Variants in TAB2 observed in about 807,000 individuals in gnomAD.
The protein encoded by TAB2 is TGF-beta activated kinase 1 (MAP3K7) binding protein 2, also known as TGF-beta-activated kinase 1 and MAP3K7-binding protein 2.
TAB2 carries 3 observed loss-of-function variants against 65.0 expected under a neutral mutation model. The ratio of observed to expected loss-of-function variants is 0.05; its 90% CI spans 0.02 to 0.12. TAB2 has a LOEUF of 0.12. TAB2 is among the 10% of genes least tolerant of loss of function. TAB2 has a pLI of 1.00. For missense variants in TAB2, 623 were observed against 840.3 expected, an observed-to-expected ratio of 0.74 and a Z score of 3.20; for synonymous variants, 298 against 285.1, an observed-to-expected ratio of 1.05 and a Z score of -0.46.
chr6:149,294,568 T>C (rs1405209339), intron 1 of TAB2, among the ~76,000 whole-genome samples: 2 of 152,242 alleles, frequency 1.3e-5, no homozygotes, highest in Admixed American at 6.5e-5. Context: ...TCTGCTCTTT[T>C]CATAAGCAAA....
At chr6:149,305,174 T>C (rs1479273318) in intron 1 of TAB2, among the ~76,000 whole-genome samples, 1 of 152,198 alleles carries the variant, frequency 6.6e-6, no homozygotes, top group African/African-American at 2.4e-5. Context: ...TCTTTCCAAG[T>C]TTGGAAACAT....
At chr6:149,226,948 G>T (rs1477790332) in intron 1 of TAB2, among the ~76,000 whole-genome samples, 2 of 152,178 alleles carry the variant, frequency 1.3e-5, no homozygotes, top group African/African-American at 4.8e-5. Context: ...AATTAAGAGG[G>T]TGGTTATTCA....
chr6:149,336,922 TA>T (rs67712825), intron 1 of TAB2, among the ~76,000 whole-genome samples: 93,787 of 149,486 alleles, frequency 0.63, 29,478 homozygotes, highest in East Asian at 0.8. Flanking sequence ...TGCATTTAGA[TA>T]AAAAAAAAAA....
intron 1 of TAB2, among the ~76,000 whole-genome samples, chr6:149,285,579 G>T (rs191093404): frequency 2.6e-5 from 4 of 152,364 alleles, no homozygotes; most frequent in African/African-American, 7.2e-5. Context: ...TCTGAAACTT[G>T]TGTGATACTT....
chr6:149,229,406 G>A (rs936495508), intron 1 of TAB2, among the ~76,000 whole-genome samples: 14 of 152,134 alleles, frequency 9.2e-5, no homozygotes, highest in Non-Finnish European at 1.5e-4. Flanking sequence ...GTGTGTGTGT[G>A]TGTGTGTGTG....
intron 4 of TAB2, 84 bp from the exon 5 acceptor site, chr6:149,397,885 A>C (rs1782228865): frequency 1.9e-6 from 3 of 1,575,770 alleles, no homozygotes; most frequent in Non-Finnish European, 2.6e-6. Flanking sequence ...TTCTGTCCTT[A>C]CTTTCTTGTG....
chr6:149,381,721 C>T (rs1468285777), intron 3 of TAB2, among the ~76,000 whole-genome samples: 1 of 151,798 alleles, frequency 6.6e-6, no homozygotes, highest in Non-Finnish European at 1.5e-5. Context: ...TACAGGTACA[C>T]ACCACCACAT....
At chr6:149,350,266 G>A (rs1431102280) in intron 1 of TAB2, among the ~76,000 whole-genome samples, 1 of 152,006 alleles carries the variant, frequency 6.6e-6, no homozygotes, top group Non-Finnish European at 1.5e-5. Context: ...AATTTTCTTT[G>A]TGACCAGGGC....
upstream of TAB2, among the ~76,000 whole-genome samples, chr6:149,315,491 C>A (rs1779233300): frequency 6.6e-6 from 1 of 152,134 alleles, no homozygotes; most frequent in South Asian, 2.1e-4. Context: ...TGCTTATAAA[C>A]AAGGATATTC....
chr6:149,289,216 C>T (rs531444354), intron 1 of TAB2, among the ~76,000 whole-genome samples: 1 of 152,066 alleles, frequency 6.6e-6, no homozygotes, highest in Non-Finnish European at 1.5e-5. Flanking sequence ...CCAATGGCCT[C>T]CATCTAGCTC....
intron 1 of TAB2, among the ~76,000 whole-genome samples, chr6:149,256,666 C>T (rs1378451870): frequency 6.6e-6 from 1 of 152,156 alleles, no homozygotes; most frequent in Non-Finnish European, 1.5e-5. Context: ...AAATTTTCCA[C>T]ACATGGAAAA....
rs1321758913 is a variant in TAB2 at position 149,398,081 on chromosome 6, G to T, written c.1858+19G>T. Reference sequence around the variant, plus strand: ...GCCCGAGGTAAAGTTCAGTGTATTTGTAGCTGAAATTCATCGTATTTAATT... The same window carrying T: ...GCCCGAGGTAAAGTTCAGTGTATTTTTAGCTGAAATTCATCGTATTTAATT... On this transcript the variant is annotated intron_variant, in intron 5 of 6. Transcript: ENST00000637181. 6.2e-7 allele frequency: 1 copy of T among 1,601,302 alleles called. No individual in the cohort carries two copies.
chr6:149,318,205 C>CT (rs1362591412), intron 1 of TAB2, among the ~76,000 whole-genome samples, 190 bp downstream of exon 1: 1 of 152,024 alleles, frequency 6.6e-6, no homozygotes, highest in Non-Finnish European at 1.5e-5. Flanking sequence ...AGAGGGAGGC[C>CT]CCCCGAGTCC....
chr6:149,300,318 T>C (rs997866992), intron 1 of TAB2, among the ~76,000 whole-genome samples: 1 of 152,208 alleles, frequency 6.6e-6, no homozygotes, highest in Non-Finnish European at 1.5e-5. Flanking sequence ...TTTTGATCAA[T>C]AAGATGTGTT....
chr6:149,395,234 GTT>G (rs1224597385), intron 3 of TAB2, among the ~76,000 whole-genome samples: 1 of 152,216 alleles, frequency 6.6e-6, no homozygotes, highest in Non-Finnish European at 1.5e-5. Context: ...TGTTTTGAGT[GTT>G]TTTTATAAGC....
intron 1 of TAB2, among the ~76,000 whole-genome samples, chr6:149,225,567 G>C (rs1213858290): frequency 5.9e-5 from 9 of 152,236 alleles, no homozygotes; most frequent in Admixed American, 5.9e-4. Flanking sequence ...CAGGGCAAAG[G>C]ACAGTTGGGG....
At chr6:149,330,906 A>G (rs536978644) in intron 1 of TAB2, among the ~76,000 whole-genome samples, 2 of 152,176 alleles carry the variant, frequency 1.3e-5, no homozygotes, top group African/African-American at 4.8e-5. Context: ...TTGCTTTTGT[A>G]CCTTTGTCAA....
At chr6:149,273,109 T>G (rs1320806088) in intron 1 of TAB2, among the ~76,000 whole-genome samples, 1 of 151,844 alleles carries the variant, frequency 6.6e-6, no homozygotes, top group African/African-American at 2.4e-5. Flanking sequence ...CGAGGACCAC[T>G]GATCGAGTGG....
intron 1 of TAB2, among the ~76,000 whole-genome samples, chr6:149,280,926 C>A: frequency 1.5e-5 from 1 of 68,948 alleles, no homozygotes. Context: ...AATGAGACCT[C>A]GTCTCAAAAA....
Sources: allele counts gnomAD v4.1 joint callset (sites outside exome capture counted in the v4.1 genomes callset), GRCh38; gene constraint gnomAD v4.1.1; transcripts MANE v1.5; gene names NCBI Gene and HGNC (gene_info 2026-07-23, HGNC 2026-07-21).